CDH12: variants seen among roughly 807,000 people sequenced by gnomAD.
CDH12 encodes the protein cadherin 12, also known as cadherin-12.
Under a neutral mutation model 74.1 loss-of-function variants are expected in CDH12, and 41 were observed. That is an observed-to-expected ratio of 0.55 (90% CI 0.43 to 0.72). The LOEUF (loss-of-function observed/expected upper bound fraction) is 0.72. CDH12 is among the 30% of genes least tolerant of loss of function. The pLI is 0.00. For missense variants in CDH12, 945 were observed against 977.2 expected (o/e 0.97, Z 0.44); for synonymous variants, 399 against 355.0 (o/e 1.12, Z -1.39).
At chr5:21,936,003 T>C (rs1489288973) in intron 6 of CDH12, among the ~76,000 whole-genome samples, 1 of 152,224 alleles carries the variant, frequency 6.6e-6, no homozygotes, top group African/African-American at 2.4e-5. Flanking sequence ...TCTTGATGGA[T>C]GCTTAGGTTG....
rs78184893 is a variant in CDH12, at chr5:21,766,109, A to T, written c.1394-1010T>A. Among the ~76,000 whole-genome samples the T allele has an allele frequency of 3.8e-4, 58 of 152,166 alleles. 1 individual carries two copies. In the East Asian group the frequency reaches 0.011, roughly 28 times the overall value. On this transcript the variant is annotated intron_variant, in intron 11 of 14. Coordinates refer to ENST00000382254, the MANE Select transcript of CDH12 (RefSeq NM_004061.5). ...CCAAAGACTTATAATATTCTTTTAGACATCTATCTAGAATACTTCAAAGAA... is the reference window on the plus strand; with the variant it reads ...CCAAAGACTTATAATATTCTTTTAGTCATCTATCTAGAATACTTCAAAGAA...
intron 11 of CDH12, among the ~76,000 whole-genome samples, chr5:21,780,315 T>C (rs2149894591): frequency 6.6e-6 from 1 of 152,322 alleles, no homozygotes; most frequent in East Asian, 1.9e-4. Flanking sequence ...TTGCTTCCAC[T>C]ATAAAGGTTC....
chr5:22,436,645 G>A (rs1034224564), intron 2 of CDH12, among the ~76,000 whole-genome samples: 22 of 151,946 alleles, frequency 1.4e-4, no homozygotes, highest in African/African-American at 5.3e-4. Context: ...AGAACTCACT[G>A]GGCGGATACG....
At chr5:21,840,383 AC>A in intron 8 of CDH12, among the ~76,000 whole-genome samples, 2 of 151,688 alleles carry the variant, frequency 1.3e-5, no homozygotes, top group Admixed American at 1.3e-4. Context: ...TACTAAAGTA[AC>A]CCTAGGCATG....
At chr5:22,234,579 T>G (rs1472656259) in intron 3 of CDH12, among the ~76,000 whole-genome samples, 3 of 150,300 alleles carry the variant, frequency 2.0e-5, no homozygotes, top group African/African-American at 7.5e-5. Flanking sequence ...TTTTTTTTGT[T>G]TTGCTTTTTT....
intron 6 of CDH12, among the ~76,000 whole-genome samples, chr5:21,890,633 G>C (rs1752852259): frequency 6.6e-6 from 1 of 152,080 alleles, no homozygotes; most frequent in Non-Finnish European, 1.5e-5. Context: ...AACAAACAAG[G>C]ACCTGTCCTA....
At chr5:22,023,321 T>C (rs1738113464) in intron 5 of CDH12, among the ~76,000 whole-genome samples, 1 of 152,142 alleles carries the variant, frequency 6.6e-6, no homozygotes, top group Admixed American at 6.6e-5. Flanking sequence ...TAATACCCTG[T>C]TATTTCTTGC....
intron 4 of CDH12, among the ~76,000 whole-genome samples, chr5:22,211,647 A>C (rs1751549858): frequency 6.6e-6 from 1 of 151,962 alleles, no homozygotes; most frequent in South Asian, 2.1e-4. Flanking sequence ...AAATGGGTAA[A>C]AAAGAATTAA....
At position 22,467,195 on chromosome 5, in the gene CDH12, T is replaced by C. The variant is rs1163865955; in HGVS notation, c.-428+38075A>G. On this transcript the variant is annotated intron_variant, in intron 2 of 14. Coordinates refer to ENST00000382254, the MANE Select transcript of CDH12 (RefSeq NM_004061.5). ...AAGCCTCATACTGGCATGAGATGAG[T>C]ATAGAATTGGAACCTTGACAGCCCG... is the stretch of plus-strand genomic sequence containing the variant. 2.0e-5 allele frequency among the ~76,000 whole-genome samples: 3 copies of C among 152,046 alleles called. No individual in the cohort carries two copies. The East Asian group carries it at 5.8e-4, about 29-fold the overall frequency.
At chr5:21,967,545 T>G (rs1756640092) in intron 6 of CDH12, among the ~76,000 whole-genome samples, 1 of 152,096 alleles carries the variant, frequency 6.6e-6, no homozygotes, top group Non-Finnish European at 1.5e-5. Flanking sequence ...ATGCTTAGAG[T>G]CATTTGGTGG....
rs552939901 is a variant in CDH12 at position 21,871,040 on chromosome 5, G to A, written c.527-16250C>T. 2.6e-5 allele frequency among the ~76,000 whole-genome samples: 4 copies of A among 152,252 alleles called. No individual in the cohort carries two copies. The East Asian group carries it at 7.7e-4, about 29-fold the overall frequency. On this transcript the variant is annotated intron_variant, in intron 6 of 14. Transcript: ENST00000382254. ...AGCCACCATTCCCAGCCACAAGAAT[G>A]ACTAACAACACCAATTCTTGGGCTC...
At chr5:22,176,088 C>T (rs1479483719) in intron 4 of CDH12, among the ~76,000 whole-genome samples, 2 of 152,118 alleles carry the variant, frequency 1.3e-5, no homozygotes, top group Non-Finnish European at 2.9e-5. Context: ...TCATTTGACT[C>T]GTCCTAGTTC....
chr5:22,082,395 C>T lies in CDH12; in HGVS notation c.-186-3533G>A, dbSNP rs1355150913. ...CTTTCTTGAACATAAGCACTCGATA[C>T]TGTGACAGTCAGTCTGCTAACCAAG... is the stretch of plus-strand genomic sequence containing the variant. On this transcript the variant is annotated intron_variant, in intron 4 of 14. Coordinates refer to ENST00000382254, the MANE Select transcript of CDH12 (RefSeq NM_004061.5). Among the ~76,000 whole-genome samples the T allele has an allele frequency of 2.6e-5, 4 of 152,208 alleles. No homozygotes were observed. In the East Asian group the frequency reaches 7.7e-4, roughly 29 times the overall value.
At chr5:22,505,539 T>C (rs2126663079) in intron 1 of CDH12, among the ~76,000 whole-genome samples, 175 bp from the exon 2 acceptor site, 1 of 152,272 alleles carries the variant, frequency 6.6e-6, no homozygotes, top group East Asian at 1.9e-4. Flanking sequence ...CATTTCTCAA[T>C]GTACTTTTGA....
At chr5:21,829,085 A>G (rs7700633) in intron 8 of CDH12, among the ~76,000 whole-genome samples, 53,119 of 152,098 alleles carry the variant, frequency 0.35, 11,100 homozygotes, top group East Asian at 0.59. Flanking sequence ...AGCTGAGGTC[A>G]GGAGTCTGAG....
chr5:22,414,375 A>T (rs1743294219), intron 2 of CDH12, among the ~76,000 whole-genome samples: 1 of 151,936 alleles, frequency 6.6e-6, no homozygotes, highest in African/African-American at 2.4e-5. Context: ...CAATATTTTG[A>T]CATTGTTGTT....
intron 6 of CDH12, among the ~76,000 whole-genome samples, chr5:21,867,219 G>A (rs1751376260): frequency 1.3e-5 from 2 of 152,134 alleles, no homozygotes; most frequent in South Asian, 4.1e-4. Context: ...GCCAGGTGTG[G>A]AGGTGTGTGC....
chr5:22,167,342 A>G (rs1417431506), intron 4 of CDH12, among the ~76,000 whole-genome samples: 1 of 152,220 alleles, frequency 6.6e-6, no homozygotes, highest in Non-Finnish European at 1.5e-5. Context: ...AAAGAAAGAT[A>G]CCCCAGGGAA....
intron 3 of CDH12, among the ~76,000 whole-genome samples, chr5:22,232,930 T>C (rs989563998): frequency 3.3e-5 from 5 of 149,720 alleles, no homozygotes; most frequent in African/African-American, 1.2e-4. Flanking sequence ...TGGATTGCTT[T>C]TGTGCCTTTG....
Sources: gnomAD v4.1 joint callset for allele counts (sites outside exome capture counted in the v4.1 genomes callset) on GRCh38, gnomAD v4.1.1 for gene constraint, MANE v1.5 for transcripts, NCBI Gene and HGNC (gene_info 2026-07-23, HGNC 2026-07-21) for gene names.